The following SSH2 variants were observed in gnomAD, a reference collection of about 807,000 sequenced individuals.
SSH2 encodes the protein protein phosphatase Slingshot homolog 2.
Under a neutral mutation model 135.2 loss-of-function variants are expected in SSH2, and 37 were observed. The ratio of observed to expected loss-of-function variants is 0.27; its 90% CI spans 0.21 to 0.36. SSH2 has a LOEUF of 0.36. SSH2 is among the 10% of genes least tolerant of loss of function. SSH2 has a pLI of 1.00. For missense variants in SSH2, 1,408 were observed against 1,765.3 expected (o/e 0.80, Z 3.63); for synonymous variants, 628 against 646.2 (o/e 0.97, Z 0.43).
intron 3 of SSH2, among the ~76,000 whole-genome samples, chr17:29,782,149 G>T (rs2041855328): frequency 2.6e-5 from 4 of 151,932 alleles, no homozygotes; most frequent in African/African-American, 9.7e-5. Flanking sequence ...CCGGCCCTAT[G>T]TTTTCTTTTA....
At chr17:29,773,330 C>T (rs1040254078) in intron 3 of SSH2, among the ~76,000 whole-genome samples, 2 of 152,138 alleles carry the variant, frequency 1.3e-5, no homozygotes, top group Non-Finnish European at 2.9e-5. Context: ...CTTGTCATTA[C>T]ACAGTAGAAT....
intron 2 of SSH2, among the ~76,000 whole-genome samples, chr17:29,810,676 C>A (rs964790708): frequency 6.6e-6 from 1 of 152,140 alleles, no homozygotes; most frequent in African/African-American, 2.4e-5. Context: ...TATTTCTGGG[C>A]CTTCTAGGCA....
chr17:29,871,091 T>C (rs1240066203), intron 1 of SSH2, among the ~76,000 whole-genome samples: 2 of 152,208 alleles, frequency 1.3e-5, no homozygotes, highest in South Asian at 2.1e-4. Context: ...CAAAATATGG[T>C]ATTTTTGGAA....
intron 15 of SSH2, 44 bp from the exon 16 acceptor site, chr17:29,632,975 T>C: frequency 6.6e-7 from 1 of 1,508,340 alleles, no homozygotes; most frequent in South Asian, 1.3e-5. Flanking sequence ...AACTGTAGTC[T>C]AATTGAAAAT....
At chr17:29,712,137 C>G (rs1447822825) in intron 3 of SSH2, among the ~76,000 whole-genome samples, 3 of 152,206 alleles carry the variant, frequency 2.0e-5, no homozygotes, top group Non-Finnish European at 1.5e-5. Context: ...TAGGCAGATA[C>G]AAGACAAATG....
At chr17:29,894,533 T>G (rs900814041) in intron 1 of SSH2, among the ~76,000 whole-genome samples, 2 of 152,182 alleles carry the variant, frequency 1.3e-5, no homozygotes, top group African/African-American at 4.8e-5. Flanking sequence ...AAATACTATG[T>G]AAATAGCTGT....
At chr17:29,647,962 C>G in intron 14 of SSH2, 182 bp downstream of exon 14, 1 of 627,458 alleles carries the variant, frequency 1.6e-6, no homozygotes, top group East Asian at 2.9e-5. Flanking sequence ...TGTGCCCGGC[C>G]AGCCCATGCA....
At chr17:29,688,367 C>T (rs911828344) in intron 5 of SSH2, among the ~76,000 whole-genome samples, 1 of 152,126 alleles carries the variant, frequency 6.6e-6, no homozygotes, top group Non-Finnish European at 1.5e-5. Context: ...TTTGGCTCTC[C>T]CTTGCTTACT....
intron 1 of SSH2, among the ~76,000 whole-genome samples, chr17:29,869,014 C>A (rs1383169723): frequency 6.6e-6 from 1 of 152,096 alleles, no homozygotes; most frequent in East Asian, 1.9e-4. Flanking sequence ...AGATTCTAGC[C>A]ATAAAATAGC....
chr17:29,633,318 G>A (rs1180694278), intron 15 of SSH2, among the ~76,000 whole-genome samples: 2 of 152,104 alleles, frequency 1.3e-5, no homozygotes, highest in South Asian at 2.1e-4. Context: ...CCTTTCCCCC[G>A]TGGCCTATCA....
At chr17:29,761,525 C>G (rs945488935) in intron 3 of SSH2, 2 of 772,028 alleles carry the variant, frequency 2.6e-6, no homozygotes, top group Non-Finnish European at 1.6e-6. Context: ...CGGCGCCCCG[C>G]CCCAGATCTC....
At chr17:29,685,213 C>T (rs2038163890) in intron 5 of SSH2, among the ~76,000 whole-genome samples, 1 of 152,122 alleles carries the variant, frequency 6.6e-6, no homozygotes, top group Non-Finnish European at 1.5e-5. Flanking sequence ...AAGGAGATTG[C>T]ATTTTTAGAA....
intron 2 of SSH2, chr17:29,838,912 G>T: frequency 5.9e-6 from 1 of 168,230 alleles, no homozygotes; most frequent in Non-Finnish European, 1.3e-5. Context: ...GGGCTGAAAC[G>T]TGCCCTTTGC....
intron 3 of SSH2, among the ~76,000 whole-genome samples, chr17:29,782,782 C>T (rs567761174): frequency 2.2e-4 from 34 of 152,226 alleles, no homozygotes; most frequent in South Asian, 8.3e-4. Context: ...GACGGGGTTT[C>T]GCCATGTTGG....
intron 2 of SSH2, among the ~76,000 whole-genome samples, chr17:29,811,590 A>T (rs1354728611): frequency 6.6e-6 from 1 of 150,580 alleles, no homozygotes; most frequent in Non-Finnish European, 1.5e-5. Context: ...TTTCTTGGAG[A>T]CAGAGTCTAG....
At chr17:29,803,682 T>C (rs1441674041) in intron 2 of SSH2, among the ~76,000 whole-genome samples, 1 of 152,140 alleles carries the variant, frequency 6.6e-6, no homozygotes, top group Non-Finnish European at 1.5e-5. Context: ...TGGTGATTAA[T>C]TGAATAAGTA....
At chr17:29,898,182 A>T (rs1015891644) in intron 1 of SSH2, among the ~76,000 whole-genome samples, 54 of 152,298 alleles carry the variant, frequency 3.5e-4, no homozygotes, top group African/African-American at 1.2e-3. Flanking sequence ...AGCAGGAAAG[A>T]TCTAAAATTG....
At chr17:29,795,661 T>C (rs1393387226) in intron 2 of SSH2, among the ~76,000 whole-genome samples, 2 of 152,256 alleles carry the variant, frequency 1.3e-5, no homozygotes, top group East Asian at 3.8e-4. Flanking sequence ...AATGATTTCC[T>C]GGAATATCAT....
chr17:29,676,896 A>T lies in SSH2; in HGVS notation c.549-11T>A. 1 of 1,612,726 alleles carries T rather than the reference A, an allele frequency of 6.2e-7. No individual in the cohort carries two copies. The highest frequency in any genetic ancestry group is 1.1e-5 in the South Asian group (1 of 91,028). ...GATACACTGAACCCACTAAGGACAA[A>T]TGAGAACAAGACAAAAATCCACAAA... On this transcript the variant is annotated splice_polypyrimidine_tract_variant and intron_variant, in intron 7 of 15. Transcript: ENST00000540801.
Sources: allele counts gnomAD v4.1 joint callset (sites outside exome capture counted in the v4.1 genomes callset), GRCh38; gene constraint gnomAD v4.1.1; transcripts MANE v1.5; gene names NCBI Gene and HGNC (gene_info 2026-07-23, HGNC 2026-07-21).